The following NIBAN2 variants were observed in gnomAD, a reference collection of about 807,000 sequenced individuals.
NIBAN2 encodes the protein niban apoptosis regulator 2, also known as protein Niban 2.
Under a neutral mutation model 81.8 loss-of-function variants are expected in NIBAN2, and 36 were observed. The ratio of observed to expected loss-of-function variants is 0.44; its 90% CI spans 0.34 to 0.58. The LOEUF (loss-of-function observed/expected upper bound fraction) is 0.58, where lower values mean the gene tolerates loss of function less well. NIBAN2 is among the 20% of genes least tolerant of loss of function. The pLI is 0.02. For synonymous variants in NIBAN2, 445 were observed against 441.6 expected (o/e 1.01, Z -0.10); for missense variants, 897 against 1,014.1 (o/e 0.88, Z 1.57).
At chr9:127,522,330 GC>G (rs1398372250) in intron 5 of NIBAN2, among the ~76,000 whole-genome samples, 29 of 152,262 alleles carry the variant, frequency 1.9e-4, no homozygotes, top group Non-Finnish European at 1.8e-4. Flanking sequence ...GGCCATTGGC[GC>G]CCACTCCGTC....
chr9:127,569,889 C>T (rs182853793), upstream of NIBAN2, among the ~76,000 whole-genome samples: 376 of 152,352 alleles, frequency 2.5e-3, 6 homozygotes, highest in Non-Finnish European at 6.3e-4. Flanking sequence ...TTGCAAAAGA[C>T]TACCAGAATC....
chr9:127,522,449 C>T (rs1253285406), intron 5 of NIBAN2, among the ~76,000 whole-genome samples: 2 of 152,146 alleles, frequency 1.3e-5, no homozygotes, highest in East Asian at 3.9e-4. Context: ...GTGTCCAGGA[C>T]TGGGTTGTTC....
At chr9:127,518,267 G>A (rs1836871213) in intron 5 of NIBAN2, among the ~76,000 whole-genome samples, 1 of 152,194 alleles carries the variant, frequency 6.6e-6, no homozygotes, top group Non-Finnish European at 1.5e-5. Context: ...ACAACCGTTA[G>A]GGGACAGGCC....
At chr9:127,516,355 G>A (rs2255128) in intron 8 of NIBAN2, among the ~76,000 whole-genome samples, 107,802 of 151,914 alleles carry the variant, frequency 0.71, 38,830 homozygotes, top group Middle Eastern at 0.78. Context: ...GATCAGCCTG[G>A]CCAACATGGT....
At chr9:127,515,015 A>T (rs1001477726) in intron 8 of NIBAN2, among the ~76,000 whole-genome samples, 40 of 152,068 alleles carry the variant, frequency 2.6e-4, no homozygotes, top group African/African-American at 9.2e-4. Flanking sequence ...TCTTTCAAAA[A>T]TTTTTAAAAG....
At chr9:127,516,609 G>A (rs983453829) in intron 8 of NIBAN2, among the ~76,000 whole-genome samples, 17 of 152,192 alleles carry the variant, frequency 1.1e-4, no homozygotes, top group African/African-American at 3.6e-4. Flanking sequence ...AATCTGTGAC[G>A]AGTCAGAGAT....
chr9:127,506,739 C>T lies in NIBAN2; in HGVS notation c.*106G>A, dbSNP rs572223191. Reference sequence around the variant, plus strand: ...GGCGGTGCCACACAGCCCTGCCCCGCCTCCACCCACAAGGCACAGACCAGG... The same window carrying T: ...GGCGGTGCCACACAGCCCTGCCCCGTCTCCACCCACAAGGCACAGACCAGG... On this transcript the variant is annotated 3_prime_UTR_variant, in exon 14 of 14. Transcript: ENST00000373312. 3.7e-6 allele frequency: 4 copies of T among 1,071,846 alleles called. No individual in the cohort carries two copies. In the African/African-American group the frequency reaches 6.4e-5, roughly 17 times the overall value. 66.4% of individuals were successfully genotyped at this position (1,071,846 alleles called of 1,614,324 possible).
rs762346243 is a variant in NIBAN2, at chr9:127,527,320, C to A, written c.189G>T (p.Val63=). 1.2e-6 allele frequency: 2 copies of A among 1,613,066 alleles called. No individual in the cohort carries two copies. The highest frequency in any genetic ancestry group is 1.7e-6 in the Non-Finnish European group (2 of 1,179,794). ...LPQAQLLWRK[V]PLDERIVFSG... is the part of the protein sequence containing the mutation. ...AGAAGACGATGCGCTCGTCCAGTGG[C>A]ACCTGTGGGCAGGAGCGGGTGGGGA... is the stretch of plus-strand genomic sequence containing the variant. The change falls in exon 3 of 14, where the codon GTG becomes GTT. Residue 63 remains valine (V), a splice_region_variant and synonymous_variant. Transcript: ENST00000373312.
intron 8 of NIBAN2, 26 bp from the exon 9 acceptor site, chr9:127,510,359 C>A (rs750008275): frequency 1.3e-6 from 2 of 1,565,528 alleles, no homozygotes; most frequent in Non-Finnish European, 1.7e-6. Context: ...GCCGGGTCAG[C>A]AGGGGCTCCC....
chr9:127,568,775 G>T (rs1399009587), intron 1 of NIBAN2, 45 bp downstream of exon 1: 11 of 1,252,924 alleles, frequency 8.8e-6, no homozygotes, highest in Middle Eastern at 3.1e-4. Context: ...TGGTCCGGGG[G>T]TTCCGGCAGG....
intron 9 of NIBAN2, 38 bp from the exon 10 acceptor site, chr9:127,509,169 C>T (rs1460431030): frequency 6.4e-7 from 1 of 1,571,586 alleles, no homozygotes; most frequent in Non-Finnish European, 8.6e-7. Context: ...AGCAGGGCCG[C>T]CCTGTGGCCA....
At chr9:127,552,684 GTTTT>G (rs919155330) in intron 1 of NIBAN2, among the ~76,000 whole-genome samples, 1 of 97,972 alleles carries the variant, frequency 1.0e-5, no homozygotes. Context: ...TGGAATATTC[GTTTT>G]TTTTTTTTTT....
intron 1 of NIBAN2, among the ~76,000 whole-genome samples, chr9:127,550,078 G>A (rs1837548326): frequency 1.3e-5 from 2 of 152,166 alleles, no homozygotes; most frequent in South Asian, 4.1e-4. Context: ...CCCATCACTG[G>A]CCAGTGAAAT....
intron 8 of NIBAN2, among the ~76,000 whole-genome samples, chr9:127,512,770 G>T (rs1836760565): frequency 1.3e-5 from 2 of 152,194 alleles, no homozygotes; most frequent in Non-Finnish European, 2.9e-5. Flanking sequence ...AGGGTTCACA[G>T]TGGGAATGTA....
rs559158519 is a variant in NIBAN2, at chr9:127,562,081, G to A, written c.55+6739C>T. 2.0e-5 allele frequency among the ~76,000 whole-genome samples: 3 copies of A among 152,288 alleles called. No homozygotes were observed. The South Asian group carries it at 6.2e-4, about 32-fold the overall frequency. ...AGGGGGGCGCAGGGACGGAGAATGG[G>A]GCTGGTCAGAGGCTGTGAGTCTCAG... is the stretch of plus-strand genomic sequence containing the variant. On this transcript the variant is annotated intron_variant, in intron 1 of 13. Transcript: ENST00000373312.
rs1213693520 is a variant in NIBAN2, at chr9:127,559,778, C to G, written c.55+9042G>C. ...CCACCCCTGCACGTGGACCCTCTACCCAGCACCCTGACCCACACCCGGCAC... is the reference window on the plus strand; with the variant it reads ...CCACCCCTGCACGTGGACCCTCTACGCAGCACCCTGACCCACACCCGGCAC... On this transcript the variant is annotated intron_variant, in intron 1 of 13. Transcript: ENST00000373312. This position sits in a 1 kb window ranked among gnomAD's most constrained non-coding sequence, Gnocchi z 4.0. Among the ~76,000 whole-genome samples, 1 of 152,162 alleles carries G rather than the reference C, an allele frequency of 6.6e-6. No homozygotes were observed. The highest frequency in any genetic ancestry group is 6.5e-5 in the Admixed American group (1 of 15,280).
intron 3 of NIBAN2, 38 bp from the exon 4 acceptor site, chr9:127,525,201 G>T (rs1837040010): frequency 2.6e-6 from 4 of 1,543,686 alleles, no homozygotes; most frequent in Admixed American, 1.7e-5. Flanking sequence ...GAGGGTTAAG[G>T]TGCGGCCAAG....
rs1460107069 is a variant in NIBAN2, at chr9:127,536,453, C to G, written c.56-4675G>C. ...CCCACCCAGTACCCCACTTTTCCTTCTTGCTCCCTGCAGTGGCTCTCCCCC... is the reference window on the plus strand; with the variant it reads ...CCCACCCAGTACCCCACTTTTCCTTGTTGCTCCCTGCAGTGGCTCTCCCCC... On this transcript the variant is annotated intron_variant, in intron 1 of 13. Coordinates refer to ENST00000373312, the MANE Select transcript of NIBAN2 (RefSeq NM_022833.4). The surrounding 1 kb of genome is among the most constrained non-coding windows in gnomAD (Gnocchi z 4.0). Among the ~76,000 whole-genome samples the G allele has an allele frequency of 6.6e-6, 1 of 152,236 alleles. No homozygotes were observed. Among genetic ancestry groups the G allele is most frequent in the Non-Finnish European group, 1.5e-5 (1 of 68,036 alleles).
chr9:127,510,372 AGGAGC>A (rs757514073), intron 8 of NIBAN2, 39 bp from the exon 9 acceptor site: 2 of 1,526,716 alleles, frequency 1.3e-6, no homozygotes, highest in Non-Finnish European at 1.8e-6. Flanking sequence ...GGGCTCCCCA[AGGAGC>A]ACCTCCCAGC....
Sources: allele counts gnomAD v4.1 joint callset (sites outside exome capture counted in the v4.1 genomes callset), GRCh38; gene constraint gnomAD v4.1.1; non-coding constraint Gnocchi (gnomAD v3.1); transcripts MANE v1.5; gene names NCBI Gene and HGNC (gene_info 2026-07-23, HGNC 2026-07-21).